SAMD5: variants seen among roughly 807,000 people sequenced by gnomAD.
SAMD5 encodes the protein sterile alpha motif domain containing 5, also known as sterile alpha motif domain-containing protein 5.
A neutral mutation model predicts 11.3 loss-of-function variants in SAMD5; 13 were observed. That is an observed-to-expected ratio of 1.15 (90% CI 0.75 to 1.83). SAMD5 has a LOEUF of 1.83. Among genes scored for constraint, SAMD5 ranks in the 40% most tolerant of loss-of-function variants. The probability of loss-of-function intolerance (pLI) is 0.00; values close to 1 mark genes in which losing one functional copy is unlikely to be tolerated. For missense variants in SAMD5, 255 were observed against 239.1 expected, an observed-to-expected ratio of 1.07 and a Z score of -0.44; for synonymous variants, 129 against 111.3, an observed-to-expected ratio of 1.16 and a Z score of -1.00.
At chr6:147,596,619 C>T (rs897854145) in intron 1 of SAMD5, among the ~76,000 whole-genome samples, 3 of 152,108 alleles carry the variant, frequency 2.0e-5, no homozygotes, top group African/African-American at 7.2e-5. Flanking sequence ...TCTCTTTCCC[C>T]AATTATTAAT....
At chr6:147,597,748 G>A (rs1414373409) in intron 1 of SAMD5, among the ~76,000 whole-genome samples, 1 of 152,138 alleles carries the variant, frequency 6.6e-6, no homozygotes, top group Non-Finnish European at 1.5e-5. Context: ...CCTGACTCTT[G>A]CTTCAAACTC....
At chr6:147,926,306 G>A in the SAMD5 span, among the ~76,000 whole-genome samples, 4 of 152,096 alleles carry the variant, frequency 2.6e-5, no homozygotes, top group East Asian at 3.9e-4. Flanking sequence ...TCCTGTTGAC[G>A]GTGTATAAGA....
the SAMD5 span, among the ~76,000 whole-genome samples, chr6:147,949,570 T>C: frequency 6.6e-6 from 1 of 152,222 alleles, no homozygotes; most frequent in African/African-American, 2.4e-5. Context: ...TACATGCTAC[T>C]TACTGCCACT....
intron 1 of SAMD5, among the ~76,000 whole-genome samples, chr6:147,692,008 TG>T (rs1791111421): frequency 6.6e-6 from 1 of 151,706 alleles, no homozygotes; most frequent in Admixed American, 6.6e-5. Flanking sequence ...CCTGATTGAG[TG>T]CCAGGTACTA....
At chr6:147,766,383 C>A in the SAMD5 span, among the ~76,000 whole-genome samples, 1 of 151,946 alleles carries the variant, frequency 6.6e-6, no homozygotes, top group Non-Finnish European at 1.5e-5. Flanking sequence ...ATAGACTAAC[C>A]CAACACATCA....
the SAMD5 span, among the ~76,000 whole-genome samples, chr6:147,845,384 G>A: frequency 4.6e-5 from 7 of 152,044 alleles, no homozygotes; most frequent in East Asian, 3.9e-4. Flanking sequence ...TCTATACAAG[G>A]AAAATTGATA....
the SAMD5 span, among the ~76,000 whole-genome samples, chr6:147,819,881 A>C: frequency 6.6e-3 from 1,007 of 152,358 alleles, 10 homozygotes; most frequent in African/African-American, 0.023. Context: ...GGGTGTCAGC[A>C]GATATACCCA....
chr6:147,953,155 T>A, the SAMD5 span, among the ~76,000 whole-genome samples: 8 of 152,288 alleles, frequency 5.3e-5, no homozygotes, highest in South Asian at 1.7e-3. Context: ...TTGTCAATAA[T>A]CCTTGTCCTC....
chr6:147,588,162 A>T (rs1171288315), intron 1 of SAMD5, among the ~76,000 whole-genome samples: 1 of 152,020 alleles, frequency 6.6e-6, no homozygotes, highest in Non-Finnish European at 1.5e-5. Flanking sequence ...AATCTCCCTC[A>T]TTCATTCTCA....
At chr6:147,634,094 G>T (rs1215238941) in intron 1 of SAMD5, among the ~76,000 whole-genome samples, 1 of 152,080 alleles carries the variant, frequency 6.6e-6, no homozygotes, top group East Asian at 1.9e-4. Flanking sequence ...GTAGTCTTTT[G>T]TGTCTGCTTT....
At chr6:147,629,960 T>C (rs1040821216) in intron 1 of SAMD5, among the ~76,000 whole-genome samples, 2 of 150,988 alleles carry the variant, frequency 1.3e-5, no homozygotes, top group Non-Finnish European at 3.0e-5. Context: ...TTTTTTTTTT[T>C]TTTTTTGAGA....
At chr6:147,945,168 C>T in the SAMD5 span, among the ~76,000 whole-genome samples, 1 of 152,158 alleles carries the variant, frequency 6.6e-6, no homozygotes, top group African/African-American at 2.4e-5. Flanking sequence ...CACCTCTTTG[C>T]CCTTTATCCC....
At chr6:147,783,472 C>A in the SAMD5 span, among the ~76,000 whole-genome samples, 1 of 152,000 alleles carries the variant, frequency 6.6e-6, no homozygotes, top group East Asian at 1.9e-4. Context: ...CGGCTAACTG[C>A]AACCTCCACC....
At chr6:147,544,945 A>G (rs1484743461) in intron 1 of SAMD5, among the ~76,000 whole-genome samples, 1 of 152,142 alleles carries the variant, frequency 6.6e-6, no homozygotes, top group African/African-American at 2.4e-5. Flanking sequence ...TAGAAAATTT[A>G]TGGATTTCAA....
rs149356001 is a variant in SAMD5, at chr6:147,534,111, A to G, written c.459+24724A>G. ...AGTGTGGACATGACCCGGGGTACCT[A>G]GAATAGAGGTGAAGGACTGCAAGAG... On this transcript the variant is annotated intron_variant, in intron 1 of 1. Transcript: ENST00000367474. Among the ~76,000 whole-genome samples, 197 of 152,252 alleles carry G rather than the reference A, an allele frequency of 1.3e-3. 1 individual carries two copies. The highest frequency in any genetic ancestry group is 4.6e-3 in the African/African-American group (192 of 41,552).
At chr6:147,650,531 G>A (rs1055307474) in intron 1 of SAMD5, among the ~76,000 whole-genome samples, 3 of 152,210 alleles carry the variant, frequency 2.0e-5, no homozygotes, top group Non-Finnish European at 4.4e-5. Flanking sequence ...TAGAGATTGG[G>A]TTTCACCCTA....
At chr6:147,652,883 C>T (rs746892518) in intron 1 of SAMD5, among the ~76,000 whole-genome samples, 38 of 152,038 alleles carry the variant, frequency 2.5e-4, no homozygotes, top group Non-Finnish European at 2.1e-4. Context: ...TGTCTTTTTG[C>T]CTGTCATTTT....
the SAMD5 span, among the ~76,000 whole-genome samples, chr6:147,949,356 C>G: frequency 3.3e-5 from 5 of 152,198 alleles, no homozygotes. Context: ...TGGTTCCAAT[C>G]TGTAACCCCA....
the SAMD5 span, among the ~76,000 whole-genome samples, chr6:147,915,604 AC>A: frequency 6.6e-6 from 1 of 152,180 alleles, no homozygotes; most frequent in Non-Finnish European, 1.5e-5. Context: ...GCCTGGCCCT[AC>A]AGAGTATGCA....
Sources: allele counts gnomAD v4.1 joint callset (sites outside exome capture counted in the v4.1 genomes callset), GRCh38; gene constraint gnomAD v4.1.1; transcripts MANE v1.5; gene names NCBI Gene and HGNC (gene_info 2026-07-23, HGNC 2026-07-21).